ZNF398: variants seen among roughly 807,000 people sequenced by gnomAD.
ZNF398 encodes the protein zinc finger DNA binding protein ZER6.
Under a neutral mutation model 41.9 loss-of-function variants are expected in ZNF398, and 18 were observed. The ratio of observed to expected loss-of-function variants is 0.43; its 90% CI spans 0.30 to 0.64. ZNF398 has a LOEUF of 0.64. ZNF398 is among the 30% of genes least tolerant of loss of function. The probability of loss-of-function intolerance (pLI) is 0.14; values close to 1 mark genes in which losing one functional copy is unlikely to be tolerated. For missense variants in ZNF398, 669 were observed against 822.8 expected (o/e 0.81, Z 2.29); for synonymous variants, 260 against 308.8 (o/e 0.84, Z 1.66).
chr7:149,156,857 A>T (rs1389295600), intron 2 of ZNF398, among the ~76,000 whole-genome samples: 1 of 40,784 alleles, frequency 2.5e-5, no homozygotes, highest in Non-Finnish European at 6.3e-5. Context: ...GCGAAACTCC[A>T]TTTCAAAAAA....
At chr7:149,168,412 G>A (rs1202451) in intron 4 of ZNF398, among the ~76,000 whole-genome samples, 131,043 of 152,116 alleles carry the variant, frequency 0.86, 56,586 homozygotes, top group Middle Eastern at 0.96. Context: ...CAAAATCAGT[G>A]AAGACATCAA....
chr7:149,162,523 T>G (rs927050240), intron 2 of ZNF398, among the ~76,000 whole-genome samples: 6 of 152,044 alleles, frequency 3.9e-5, no homozygotes, highest in Non-Finnish European at 8.8e-5. Flanking sequence ...ACAGACAGGA[T>G]CTCACTATGT....
At chr7:149,136,852 G>A (rs1319929470) in intron 2 of ZNF398, among the ~76,000 whole-genome samples, 2 of 149,702 alleles carry the variant, frequency 1.3e-5, no homozygotes, top group Non-Finnish European at 3.0e-5. Flanking sequence ...ACAGGCGTGA[G>A]CCACCGCGCT....
At chr7:149,177,442 A>AT (rs1795487048) in intron 5 of ZNF398, among the ~76,000 whole-genome samples, 1 of 152,214 alleles carries the variant, frequency 6.6e-6, no homozygotes, top group Non-Finnish European at 1.5e-5. Context: ...TCTAAAAAAA[A>AT]GGAAAATATG....
At chr7:149,154,395 T>C in intron 2 of ZNF398, 55 bp downstream of exon 2, 2 of 1,505,074 alleles carry the variant, frequency 1.3e-6, no homozygotes, top group Non-Finnish European at 1.8e-6. Context: ...ACATTAGTAG[T>C]AGTCTTGGTC....
At chr7:149,127,341 T>C (rs1177004569) in intron 1 of ZNF398, among the ~76,000 whole-genome samples, 1 of 151,662 alleles carries the variant, frequency 6.6e-6, no homozygotes, top group Non-Finnish European at 1.5e-5. Flanking sequence ...CACATCTGTA[T>C]TTGTCCCGGA....
chr7:149,170,130 G>A (rs374893913), intron 4 of ZNF398, among the ~76,000 whole-genome samples: 1 of 152,166 alleles, frequency 6.6e-6, no homozygotes, highest in Non-Finnish European at 1.5e-5. Context: ...CTCATAGAAG[G>A]AAAGCACGTG....
rs1396723059 is a variant in ZNF398 at position 149,140,152 on chromosome 7, TTACGAA to T, written c.-490+11209_-490+11214del. Among the ~76,000 whole-genome samples, 4 of 152,280 alleles carry T rather than the reference TTACGAA, an allele frequency of 2.6e-5. No individual in the cohort carries two copies. The East Asian group carries it at 7.7e-4, about 29-fold the overall frequency. ...AAAATGCTATAATAATTATTGAGGA[TTACGAA>T]AGATGTTATTTTATGTAATAAACAG... is the stretch of plus-strand genomic sequence containing the variant. On this transcript the variant is annotated intron_variant, in intron 2 of 6. Transcript: ENST00000426851.
At chr7:149,134,920 G>A (rs945751775) in intron 2 of ZNF398, among the ~76,000 whole-genome samples, 2 of 152,022 alleles carry the variant, frequency 1.3e-5, no homozygotes, top group Non-Finnish European at 2.9e-5. Context: ...TAGTAGAGAA[G>A]GGGTTTCATC....
At chr7:149,128,675 G>A (rs1654052598) in intron 1 of ZNF398, 1 of 151,450 alleles carries the variant, frequency 6.6e-6, no homozygotes, top group Non-Finnish European at 1.5e-5. Flanking sequence ...AGCCTGGGAG[G>A]CGAAGGTTGC....
chr7:149,173,176 C>G (rs1795387812), intron 4 of ZNF398, among the ~76,000 whole-genome samples: 1 of 144,518 alleles, frequency 6.9e-6, no homozygotes, highest in Non-Finnish European at 1.5e-5. Flanking sequence ...ACGATCTCGG[C>G]TCACTGCAAC....
At chr7:149,161,023 C>G (rs1479706326) in intron 2 of ZNF398, among the ~76,000 whole-genome samples, 2 of 152,122 alleles carry the variant, frequency 1.3e-5, no homozygotes, top group Admixed American at 6.6e-5. Flanking sequence ...ACGCTGCCCT[C>G]TTGACCCTTG....
At chr7:149,143,702 C>CT (rs1563155394), upstream of ZNF398, among the ~76,000 whole-genome samples, 10 of 151,574 alleles carry the variant, frequency 6.6e-5, no homozygotes, top group Admixed American at 1.3e-4. Flanking sequence ...ATCCCAGCTA[C>CT]TTGGGAGGCT....
intron 1 of ZNF398, chr7:149,148,306 G>A: frequency 3.4e-6 from 1 of 290,172 alleles, no homozygotes; most frequent in Non-Finnish European, 5.2e-6. Context: ...AGGCTGGAGT[G>A]GCCTCGCGTG....
At chr7:149,147,045 C>T (rs1400759483), upstream of ZNF398, 1 of 152,208 alleles carries the variant, frequency 6.6e-6, no homozygotes, top group Non-Finnish European at 1.5e-5. This position sits in a 1 kb window ranked among gnomAD's most constrained non-coding sequence, Gnocchi z 5.6. Context: ...AAAATTGTGC[C>T]TCTCCGTCAC....
intron 2 of ZNF398, among the ~76,000 whole-genome samples, chr7:149,157,297 G>C (rs1672136839): frequency 6.6e-6 from 1 of 152,196 alleles, no homozygotes; most frequent in African/African-American, 2.4e-5. Context: ...CACTTTGGGA[G>C]GCCGAGGCGG....
rs1197668495 is a variant in ZNF398, at chr7:149,181,688, G to A, written c.*1887G>A. Reference sequence around the variant, plus strand: ...ATTCACAATACCAGGGACCATGGGAGACACAAGAAATGTGTGTCTGCTGTC... The same window carrying A: ...ATTCACAATACCAGGGACCATGGGAAACACAAGAAATGTGTGTCTGCTGTC... On this transcript the variant is annotated 3_prime_UTR_variant, in exon 6 of 6. Coordinates refer to ENST00000475153, the MANE Select transcript of ZNF398 (RefSeq NM_170686.3). 2.0e-5 allele frequency: 3 copies of A among 152,174 alleles called. No individual in the cohort carries two copies. The highest frequency in any genetic ancestry group is 7.2e-5 in the African/African-American group (3 of 41,438). The allele number at this position is 152,174 out of a possible 1,614,324, so 9.4% of individuals were successfully genotyped here.
chr7:149,158,520 A>T (rs1261121632), intron 2 of ZNF398, among the ~76,000 whole-genome samples: 1 of 152,174 alleles, frequency 6.6e-6, no homozygotes, highest in Non-Finnish European at 1.5e-5. Context: ...CTCCTCCAGA[A>T]GTTCCTTGGG....
At chr7:149,167,313 A>G (rs967863539) in intron 4 of ZNF398, among the ~76,000 whole-genome samples, 1 of 152,200 alleles carries the variant, frequency 6.6e-6, no homozygotes, top group Non-Finnish European at 1.5e-5. Context: ...GGTCCCTCTA[A>G]GATGCATGGA....
Sources: gnomAD v4.1 joint callset for allele counts (sites outside exome capture counted in the v4.1 genomes callset) on GRCh38, gnomAD v4.1.1 for gene constraint, Gnocchi (gnomAD v3.1) non-coding constraint, MANE v1.5 for transcripts, NCBI Gene and HGNC (gene_info 2026-07-23, HGNC 2026-07-21) for gene names.